The following PTPRT variants were observed in gnomAD, a reference collection of about 807,000 sequenced individuals.
PTPRT encodes protein tyrosine phosphatase receptor type T.
PTPRT carries 56 observed loss-of-function variants against 176.8 expected under a neutral mutation model. The observed-to-expected ratio is 0.32, with a 90% CI of 0.26 to 0.40. The LOEUF (loss-of-function observed/expected upper bound fraction) is 0.40. Ranked by LOEUF, PTPRT falls within the 10% of genes least tolerant of loss-of-function variation. PTPRT has a pLI of 1.00. For synonymous variants in PTPRT, 783 were observed against 739.0 expected (o/e 1.06, Z -0.96); for missense variants, 1,540 against 1,908.2 (o/e 0.81, Z 3.60).
At position 42,176,491 on chromosome 20, in the gene PTPRT, T is replaced by C. The variant is rs147641859; in HGVS notation, c.2492-14949A>G. 6.6e-3 allele frequency among the ~76,000 whole-genome samples: 1,012 copies of C among 152,296 alleles called. 11 individuals are homozygous for C. The highest frequency in any genetic ancestry group is 0.023 in the African/African-American group (961 of 41,552). On this transcript the variant is annotated intron_variant, in intron 16 of 30. Coordinates refer to ENST00000373187, the MANE Select transcript of PTPRT (RefSeq NM_007050.6). Reference sequence around the variant, plus strand: ...ACTGGACATGATTTGGAGTTTCTCATTGGCTCCAGGGTTGTATGTGCACTG... The same window carrying C: ...ACTGGACATGATTTGGAGTTTCTCACTGGCTCCAGGGTTGTATGTGCACTG...
chr20:42,050,268 G>C, the PTPRT span, among the ~76,000 whole-genome samples: 2 of 152,072 alleles, frequency 1.3e-5, no homozygotes, highest in African/African-American at 2.4e-5. Context: ...GCTTGTCTGA[G>C]GCGTTTGGTC....
chr20:42,709,225 A>G (rs1452453288), intron 6 of PTPRT, among the ~76,000 whole-genome samples: 1 of 152,188 alleles, frequency 6.6e-6, no homozygotes, highest in Non-Finnish European at 1.5e-5. Flanking sequence ...CGGCTGCTCT[A>G]TCATCTTGCA....
intron 1 of PTPRT, among the ~76,000 whole-genome samples, chr20:43,111,488 G>C (rs6072980): frequency 0.014 from 2,016 of 148,468 alleles, 31 homozygotes; most frequent in Middle Eastern, 0.1. Context: ...AGGTTGCAGT[G>C]AGCTGAGATC....
At chr20:43,026,739 C>T (rs1156401851) in intron 1 of PTPRT, among the ~76,000 whole-genome samples, 1 of 152,332 alleles carries the variant, frequency 6.6e-6, no homozygotes, top group East Asian at 1.9e-4. Flanking sequence ...CACACCCTCA[C>T]TTCCCTTCCC....
intron 7 of PTPRT, among the ~76,000 whole-genome samples, chr20:42,596,003 G>A (rs2073664190): frequency 1.3e-5 from 2 of 152,120 alleles, no homozygotes; most frequent in African/African-American, 2.4e-5. Flanking sequence ...ACAACAAAGA[G>A]TAAAGTCTTT....
At chr20:42,738,467 C>CCACT (rs1439080702) in intron 6 of PTPRT, among the ~76,000 whole-genome samples, 2 of 151,806 alleles carry the variant, frequency 1.3e-5, no homozygotes, top group African/African-American at 2.4e-5. Flanking sequence ...CAAGATTGTA[C>CCACT]CACTGCACTT....
intron 2 of PTPRT, among the ~76,000 whole-genome samples, chr20:42,868,002 G>A (rs114140387): frequency 6.6e-6 from 1 of 152,262 alleles, no homozygotes; most frequent in African/African-American, 2.4e-5. Context: ...ACATTTTGTG[G>A]CATTTTGTTA....
At chr20:42,095,151 T>C (rs1985070540) in intron 27 of PTPRT, among the ~76,000 whole-genome samples, 5 of 152,194 alleles carry the variant, frequency 3.3e-5, no homozygotes, top group African/African-American at 1.2e-4. Context: ...CAGTAGTCTC[T>C]TGTCTGTTCT....
intron 7 of PTPRT, among the ~76,000 whole-genome samples, chr20:42,487,037 T>C (rs2071475516): frequency 6.6e-6 from 1 of 152,202 alleles, no homozygotes; most frequent in Non-Finnish European, 1.5e-5. Flanking sequence ...TTGGTTAACA[T>C]GACCGGCCAA....
intron 15 of PTPRT, among the ~76,000 whole-genome samples, chr20:42,211,770 C>G (rs1267490598): frequency 6.1e-5 from 9 of 148,216 alleles, no homozygotes; most frequent in Admixed American, 3.4e-4. Flanking sequence ...CTGGAAATAC[C>G]ATTTGACCCA....
At chr20:43,123,537 A>T (rs1345477373) in intron 1 of PTPRT, among the ~76,000 whole-genome samples, 1 of 152,146 alleles carries the variant, frequency 6.6e-6, no homozygotes, top group Non-Finnish European at 1.5e-5. Flanking sequence ...TCAAGTAGCC[A>T]CCTTGGGCCA....
chr20:42,194,553 G>A (rs1991125933), intron 16 of PTPRT, among the ~76,000 whole-genome samples: 1 of 152,144 alleles, frequency 6.6e-6, no homozygotes, highest in Non-Finnish European at 1.5e-5. Flanking sequence ...TGAACAAGAA[G>A]ATGACATGTG....
rs572223496 is a variant in PTPRT at position 42,283,550 on chromosome 20, C to T, written c.2140-1025G>A. Among the ~76,000 whole-genome samples, 11 of 152,096 alleles carry T rather than the reference C, an allele frequency of 7.2e-5. No homozygotes were observed. The South Asian group carries it at 1.2e-3, about 17-fold the overall frequency. On this transcript the variant is annotated intron_variant, in intron 12 of 30. Transcript: ENST00000373187. ...TTATTTTCCATTCAAACTACCTGTC[C>T]AATGTAGGTGTGTGGCTGGGTCTAA... is the stretch of plus-strand genomic sequence containing the variant.
At chr20:42,401,666 C>A (rs1461254736) in intron 9 of PTPRT, among the ~76,000 whole-genome samples, 1 of 152,092 alleles carries the variant, frequency 6.6e-6, no homozygotes, top group African/African-American at 2.4e-5. Flanking sequence ...GAGCCCCAAT[C>A]CCCTCCTTTA....
intron 1 of PTPRT, among the ~76,000 whole-genome samples, chr20:42,977,217 C>G (rs1485460479): frequency 6.6e-6 from 1 of 152,146 alleles, no homozygotes; most frequent in Non-Finnish European, 1.5e-5. Context: ...CTATTTGGTA[C>G]CACATTCTTT....
At chr20:42,264,486 G>T (rs1270984478) in intron 13 of PTPRT, among the ~76,000 whole-genome samples, 1 of 152,122 alleles carries the variant, frequency 6.6e-6, no homozygotes, top group Non-Finnish European at 1.5e-5. Flanking sequence ...ATGAGTAGTT[G>T]CCCAGAACAG....
At chr20:42,505,251 C>T (rs73273378) in intron 7 of PTPRT, among the ~76,000 whole-genome samples, 2,051 of 152,152 alleles carry the variant, frequency 0.013, 42 homozygotes, top group African/African-American at 0.048. Flanking sequence ...ATTGGACAGC[C>T]TCCACCAACC....
chr20:42,506,616 A>G (rs1231477179), intron 7 of PTPRT, among the ~76,000 whole-genome samples: 4 of 152,124 alleles, frequency 2.6e-5, no homozygotes, highest in African/African-American at 9.7e-5. Flanking sequence ...TAATCCCTGA[A>G]TATATCTTTC....
At chr20:42,981,140 G>A (rs1396249358) in intron 1 of PTPRT, among the ~76,000 whole-genome samples, 1 of 152,184 alleles carries the variant, frequency 6.6e-6, no homozygotes, top group African/African-American at 2.4e-5. Context: ...GATTACAATG[G>A]TCTTGAATAA....
Sources: gnomAD v4.1 joint callset for allele counts (sites outside exome capture counted in the v4.1 genomes callset) on GRCh38, gnomAD v4.1.1 for gene constraint, MANE v1.5 for transcripts, NCBI Gene and HGNC (gene_info 2026-07-23, HGNC 2026-07-21) for gene names.